UBOX5: variants seen among roughly 807,000 people sequenced by gnomAD.
UBOX5 encodes the protein RING finger protein 37.
In UBOX5, 28 loss-of-function variants were observed where a neutral mutation model predicts 39.0. The ratio of observed to expected loss-of-function variants is 0.72; its 90% CI spans 0.53 to 0.98. The LOEUF is 0.98. UBOX5 is among the 50% of genes least tolerant of loss of function. UBOX5 has a pLI of 0.00. For synonymous variants in UBOX5, 283 were observed against 275.5 expected (o/e 1.03, Z -0.27); for missense variants, 585 against 674.4 (o/e 0.87, Z 1.47).
chr20:3,113,318 GAC>G (rs2066269079), intron 4 of UBOX5, among the ~76,000 whole-genome samples: 1 of 140,236 alleles, frequency 7.1e-6, no homozygotes, highest in Non-Finnish European at 1.5e-5. Flanking sequence ...AAAAAAAAAA[GAC>G]ACAGTGAGAG....
In UBOX5 at chr20:3,123,388, T is replaced by G; in HGVS notation, c.-23A>C. Reference sequence around the variant, plus strand: ...CATCTTTGTGGCTGAGAGGATATCTTCCAAGCATCAGAAGCAGCCTTAAAT... The same window carrying G: ...CATCTTTGTGGCTGAGAGGATATCTGCCAAGCATCAGAAGCAGCCTTAAAT... On this transcript the variant is annotated 5_prime_UTR_variant, in exon 2 of 5. Coordinates refer to ENST00000217173, the MANE Select transcript of UBOX5 (RefSeq NM_014948.4). 1.2e-6 allele frequency: 2 copies of G among 1,611,930 alleles called. No individual in the cohort carries two copies. Among genetic ancestry groups the G allele is most frequent in the Non-Finnish European group, 1.7e-6 (2 of 1,178,396 alleles).
At chr20:3,117,455 G>A (rs1393856204) in intron 3 of UBOX5, among the ~76,000 whole-genome samples, 1 of 152,082 alleles carries the variant, frequency 6.6e-6, no homozygotes, top group East Asian at 1.9e-4. Flanking sequence ...AGGCCAAGGC[G>A]GGTGGATTGC....
rs1174958975 is a variant in UBOX5 at position 3,121,356 on chromosome 20, T to C, written c.1255+28A>G. ...CTCCTGGGAAGGAGATGGATGAGCC[T>C]GGCTGCGGACACAGGATGCTGAATT... is the stretch of plus-strand genomic sequence containing the variant. On this transcript the variant is annotated intron_variant, in intron 3 of 4. Coordinates refer to ENST00000217173, the MANE Select transcript of UBOX5 (RefSeq NM_014948.4). 2.5e-6 allele frequency: 4 copies of C among 1,582,862 alleles called. No homozygotes were observed. In the Admixed American group the frequency reaches 7.0e-5, roughly 28 times the overall value.
At chr20:3,155,334 A>G (rs568544840) in intron 1 of UBOX5, among the ~76,000 whole-genome samples, 3 of 152,336 alleles carry the variant, frequency 2.0e-5, no homozygotes, top group East Asian at 1.9e-4. Context: ...GTTTGAGACC[A>G]GCCTGGCCAA....
chr20:3,147,092 T>C (rs369758244), intron 1 of UBOX5: 11 of 1,614,026 alleles, frequency 6.8e-6, no homozygotes, highest in Non-Finnish European at 5.1e-6. Context: ...TACAGCTGCC[T>C]TATTCTCCAA....
intron 1 of UBOX5, among the ~76,000 whole-genome samples, chr20:3,132,461 A>G (rs1164188939): frequency 6.6e-6 from 1 of 152,180 alleles, no homozygotes; most frequent in Non-Finnish European, 1.5e-5. Context: ...ATAATACTCA[A>G]TTTTTAGGTA....
intron 1 of UBOX5, among the ~76,000 whole-genome samples, chr20:3,155,906 G>A (rs2066679427): frequency 1.3e-5 from 2 of 152,320 alleles, no homozygotes; most frequent in African/African-American, 4.8e-5. Context: ...TATAGAAACT[G>A]TATCTACATA....
chr20:3,156,016 G>C (rs1236965310), intron 1 of UBOX5, among the ~76,000 whole-genome samples: 2 of 152,104 alleles, frequency 1.3e-5, no homozygotes, highest in Non-Finnish European at 2.9e-5. Context: ...AGAACAGTAG[G>C]GAGAAAAGAC....
Position 3,142,752 on chromosome 20 carries a change from G to A in UBOX5, c.-42+17014C>T, listed in dbSNP as rs562491680. Among the ~76,000 whole-genome samples, 9 of 124,486 alleles carry A rather than the reference G, an allele frequency of 7.2e-5. No homozygotes were observed. In the South Asian group the frequency reaches 1.8e-3, roughly 25 times the overall value. The allele number at this position is 124,486 out of a possible 152,430, so 81.7% of individuals were successfully genotyped here. ...CACGCTACTGCACTCCAGCCTGGGC[G>A]ACAGAGAGAAACTCTGTCTCAAAAA... is the stretch of plus-strand genomic sequence containing the variant. On this transcript the variant is annotated intron_variant, in intron 1 of 4. Transcript: ENST00000217173.
chr20:3,119,803 G>A (rs1409111016), intron 3 of UBOX5, among the ~76,000 whole-genome samples: 1 of 151,860 alleles, frequency 6.6e-6, no homozygotes, highest in African/African-American at 2.4e-5. Flanking sequence ...GCAGTGAGAC[G>A]AGATTGCGCC....
intron 1 of UBOX5, among the ~76,000 whole-genome samples, chr20:3,124,659 CTGT>C (rs2066364320): frequency 6.6e-6 from 1 of 150,984 alleles, no homozygotes; most frequent in African/African-American, 2.5e-5. Context: ...CCCGGCCGCC[CTGT>C]CTGGGAGGTG....
intron 1 of UBOX5, among the ~76,000 whole-genome samples, chr20:3,153,406 C>T (rs1025121431): frequency 1.3e-5 from 2 of 152,210 alleles, no homozygotes; most frequent in Non-Finnish European, 2.9e-5. Flanking sequence ...TAGTTCCCAT[C>T]CTTATAACAT....
chr20:3,124,279 G>A (rs898092177), intron 1 of UBOX5, among the ~76,000 whole-genome samples: 1 of 152,116 alleles, frequency 6.6e-6, no homozygotes, highest in African/African-American at 2.4e-5. Context: ...GGACTGTACT[G>A]CCGTGATCTC....
rs947505580 is a variant in UBOX5 at position 3,123,465 on chromosome 20, G to C, written c.-41-59C>G. 1.5e-5 allele frequency: 19 copies of C among 1,276,484 alleles called. No individual in the cohort carries two copies. The African/African-American group carries it at 2.8e-4, about 19-fold the overall frequency. 79.1% of individuals were successfully genotyped at this position (1,276,484 alleles called of 1,614,324 possible). On this transcript the variant is annotated intron_variant, in intron 1 of 4. Transcript: ENST00000217173. ...TGTAAAATTCAATTCTAAACTTTCAGAAGTTGATTCTTAAGAGAATCAAAC... is the reference window on the plus strand; with the variant it reads ...TGTAAAATTCAATTCTAAACTTTCACAAGTTGATTCTTAAGAGAATCAAAC...
chr20:3,109,696 C>T lies in UBOX5; in HGVS notation c.*410G>A, dbSNP rs929432785. The stretch of plus-strand genomic sequence containing the variant: ...AGACACCCCCACTGCTCCCAAGGTC[C>T]ACTTTTGGATGACCCTGAAGGCAGA... On this transcript the variant is annotated 3_prime_UTR_variant, in exon 5 of 5. Transcript: ENST00000217173. 4 of 231,784 alleles carry T rather than the reference C, an allele frequency of 1.7e-5. No homozygotes were observed. Among genetic ancestry groups the T allele is most frequent in the African/African-American group, 6.7e-5 (3 of 44,872 alleles). 14.4% of individuals were successfully genotyped at this position (231,784 alleles called of 1,614,324 possible). A position where few individuals can be genotyped will look rare whatever the true frequency, so the allele number is the denominator to read the frequency against.
At chr20:3,123,277 G>A (rs374999826) in intron 2 of UBOX5, 35 bp downstream of exon 2, 317 of 1,581,694 alleles carry the variant, frequency 2.0e-4, no homozygotes, top group Non-Finnish European at 2.6e-4. Context: ...GACAAACATA[G>A]CATATATTTA....
chr20:3,126,928 C>A (rs151242287), intron 1 of UBOX5, among the ~76,000 whole-genome samples: 2 of 148,816 alleles, frequency 1.3e-5, no homozygotes, highest in Non-Finnish European at 3.0e-5. Flanking sequence ...CCCAGCTACT[C>A]GGGAGGCCAA....
At chr20:3,118,111 T>C (rs939301510) in intron 3 of UBOX5, among the ~76,000 whole-genome samples, 6 of 151,162 alleles carry the variant, frequency 4.0e-5, no homozygotes, top group Non-Finnish European at 7.4e-5. Context: ...TGAGCAGAGA[T>C]TGCGTCACTG....
At chr20:3,131,864 C>T (rs774460434) in intron 1 of UBOX5, among the ~76,000 whole-genome samples, 7 of 151,612 alleles carry the variant, frequency 4.6e-5, no homozygotes, top group Non-Finnish European at 7.4e-5. Flanking sequence ...AAAAATTAGC[C>T]GGGCAAGGTG....
Sources: allele counts gnomAD v4.1 joint callset (sites outside exome capture counted in the v4.1 genomes callset), GRCh38; gene constraint gnomAD v4.1.1; transcripts MANE v1.5; gene names NCBI Gene and HGNC (gene_info 2026-07-23, HGNC 2026-07-21).